The following BBX variants were observed in gnomAD, a reference collection of about 807,000 sequenced individuals.
The protein encoded by BBX is HMG box transcription factor BBX.
BBX carries 30 observed loss-of-function variants against 100.2 expected under a neutral mutation model. The ratio of observed to expected loss-of-function variants is 0.30; its 90% CI spans 0.22 to 0.41. The LOEUF is 0.41. Ranked by LOEUF, BBX falls within the 10% of genes least tolerant of loss-of-function variation. The probability of loss-of-function intolerance (pLI) is 1.00; values close to 1 mark genes in which losing one functional copy is unlikely to be tolerated. For missense variants in BBX, 1,023 were observed against 1,129.8 expected, an observed-to-expected ratio of 0.91 and a Z score of 1.35; for synonymous variants, 376 against 388.1, an observed-to-expected ratio of 0.97 and a Z score of 0.37.
At chr3:107,762,486 T>G (rs182106220) in intron 10 of BBX, among the ~76,000 whole-genome samples, 7 of 152,362 alleles carry the variant, frequency 4.6e-5, no homozygotes, top group Admixed American at 3.9e-4. Flanking sequence ...AACCAGTGTA[T>G]ATTTCTCTGG....
intron 15 of BBX, among the ~76,000 whole-genome samples, chr3:107,797,778 C>T (rs953088635): frequency 6.6e-6 from 1 of 152,154 alleles, no homozygotes; most frequent in Non-Finnish European, 1.5e-5. Flanking sequence ...TTGCTCTTGA[C>T]AGAGTGACTC....
intron 3 of BBX, among the ~76,000 whole-genome samples, chr3:107,675,199 T>C (rs934670225): frequency 6.6e-6 from 1 of 152,132 alleles, no homozygotes; most frequent in African/African-American, 2.4e-5. Flanking sequence ...AAAGAATGTA[T>C]AGTGTATCTG....
chr3:107,547,582 A>G (rs912438223), intron 2 of BBX, among the ~76,000 whole-genome samples: 2 of 152,152 alleles, frequency 1.3e-5, no homozygotes, highest in African/African-American at 4.8e-5. Context: ...CTACCCTTCA[A>G]TAAATGAATA....
At chr3:107,788,516 C>G (rs2107915080) in intron 13 of BBX, among the ~76,000 whole-genome samples, 1 of 152,198 alleles carries the variant, frequency 6.6e-6, no homozygotes, top group East Asian at 1.9e-4. Context: ...GGCACAGTGG[C>G]TCACACCTGT....
intron 2 of BBX, among the ~76,000 whole-genome samples, chr3:107,601,063 A>G (rs553158816): frequency 2.6e-5 from 4 of 152,258 alleles, no homozygotes; most frequent in South Asian, 2.1e-4. Flanking sequence ...CATATCTGCT[A>G]TGGTGATCTG....
chr3:107,798,819 A>C, intron 16 of BBX, 99 bp downstream of exon 16: 1 of 1,169,432 alleles, frequency 8.6e-7, no homozygotes, highest in Non-Finnish European at 1.2e-6. Flanking sequence ...AAATACACTA[A>C]CAATAGCCAA....
intron 2 of BBX, among the ~76,000 whole-genome samples, chr3:107,561,195 A>T (rs1576309970): frequency 6.6e-6 from 1 of 152,238 alleles, no homozygotes; most frequent in East Asian, 1.9e-4. Flanking sequence ...GTTAGGTGTT[A>T]TATAAGATGT....
At chr3:107,729,797 A>G (rs13065073) in intron 6 of BBX, among the ~76,000 whole-genome samples, 37,735 of 152,158 alleles carry the variant, frequency 0.25, 4,899 homozygotes, top group African/African-American at 0.29. Context: ...AGGTTGGGAA[A>G]AGAGGTTGAG....
At chr3:107,733,878 A>G (rs538031122) in intron 7 of BBX, among the ~76,000 whole-genome samples, 1 of 152,288 alleles carries the variant, frequency 6.6e-6, no homozygotes, top group South Asian at 2.1e-4. Flanking sequence ...TTTGACGGGC[A>G]GGTAGTGGCA....
At chr3:107,566,644 T>G (rs1051774306) in intron 2 of BBX, among the ~76,000 whole-genome samples, 12 of 151,964 alleles carry the variant, frequency 7.9e-5, no homozygotes, top group South Asian at 2.1e-4. Flanking sequence ...TTCTGTTTGT[T>G]CTTTGGTCAG....
intron 2 of BBX, among the ~76,000 whole-genome samples, chr3:107,618,069 G>A (rs2055430422): frequency 1.3e-5 from 2 of 151,700 alleles, no homozygotes; most frequent in Non-Finnish European, 2.9e-5. Flanking sequence ...CTTCATTTAA[G>A]TTTTCTTTTT....
intron 1 of BBX, chr3:107,523,344 A>T (rs1258536904): frequency 1.3e-5 from 2 of 157,568 alleles, no homozygotes; most frequent in East Asian, 3.5e-4. Context: ...CCCTCCGCCA[A>T]AACTTTGGGT....
chr3:107,573,815 CT>C (rs1229582045), intron 2 of BBX, among the ~76,000 whole-genome samples: 6 of 152,188 alleles, frequency 3.9e-5, no homozygotes, highest in Non-Finnish European at 8.8e-5. Context: ...CAACCTCTGC[CT>C]GCTGGGTTCA....
chr3:107,785,129 A>G (rs2107883050), intron 13 of BBX, among the ~76,000 whole-genome samples: 1 of 151,728 alleles, frequency 6.6e-6, no homozygotes. Context: ...ATCTTGATAG[A>G]TGCATAACTA....
chr3:107,568,255 A>C (rs553413938), intron 2 of BBX, among the ~76,000 whole-genome samples: 12 of 133,202 alleles, frequency 9.0e-5, no homozygotes, highest in Admixed American at 5.7e-4. Context: ...CAGATTCTCT[A>C]TTTTCTGCTA....
intron 2 of BBX, among the ~76,000 whole-genome samples, chr3:107,547,881 A>C (rs865974441): frequency 1.1e-4 from 17 of 152,282 alleles, no homozygotes; most frequent in African/African-American, 3.8e-4. Flanking sequence ...GGAATCACAC[A>C]GGAGGGCCAA....
At chr3:107,629,119 G>A (rs1287922440) in intron 2 of BBX, among the ~76,000 whole-genome samples, 1 of 152,122 alleles carries the variant, frequency 6.6e-6, no homozygotes, top group Non-Finnish European at 1.5e-5. Flanking sequence ...TACTCAGCTT[G>A]CAGAGCTGAG....
At chr3:107,630,106 TCTCAAGTCTGA>T (rs2056453287) in intron 2 of BBX, among the ~76,000 whole-genome samples, 1 of 152,214 alleles carries the variant, frequency 6.6e-6, no homozygotes, top group African/African-American at 2.4e-5. Context: ...CCATAGCGGT[TCTCAAGTCTGA>T]CGGCACCTTA....
chr3:107,715,091 T>G (rs1343889758), intron 4 of BBX, among the ~76,000 whole-genome samples: 1 of 152,118 alleles, frequency 6.6e-6, no homozygotes, highest in Non-Finnish European at 1.5e-5. Context: ...CCAAGACTTT[T>G]TAAAAATACC....
Sources: gnomAD v4.1 joint callset for allele counts (sites outside exome capture counted in the v4.1 genomes callset) on GRCh38, gnomAD v4.1.1 for gene constraint, MANE v1.5 for transcripts, NCBI Gene and HGNC (gene_info 2026-07-23, HGNC 2026-07-21) for gene names.